The following TBL1XR1 variants were observed in gnomAD, a reference collection of about 807,000 sequenced individuals.
TBL1XR1 encodes the protein F-box-like/WD repeat-containing protein TBL1XR1.
TBL1XR1 carries 5 observed loss-of-function variants against 66.9 expected under a neutral mutation model. The observed-to-expected ratio is 0.07, with a 90% CI of 0.04 to 0.16. The LOEUF is 0.16. TBL1XR1 is among the 10% of genes least tolerant of loss of function. TBL1XR1 has a pLI of 1.00. For synonymous variants in TBL1XR1, 210 were observed against 206.0 expected (o/e 1.02, Z -0.17); for missense variants, 238 against 623.2 (o/e 0.38, Z 6.58).
In TBL1XR1 at chr3:177,020,626, A is replaced by G. The variant is rs1400801471; in HGVS notation, c.*4872T>C. The G allele has an allele frequency of 6.6e-6, 1 of 152,214 alleles. No homozygotes were observed. The highest frequency in any genetic ancestry group is 6.5e-5 in the Admixed American group (1 of 15,278). 9.4% of individuals were successfully genotyped at this position (152,214 alleles called of 1,614,324 possible). The stretch of plus-strand genomic sequence containing the variant: ...TTATTCTACAATAGAACACTGGAGA[A>G]GTAAAAGCAATTAAAATGTAAACAA... On this transcript the variant is annotated 3_prime_UTR_variant, in exon 16 of 16. Transcript: ENST00000457928.
chr3:177,069,831 A>AGGAAGGAAGGAAGGAG (rs2108559133), intron 2 of TBL1XR1, among the ~76,000 whole-genome samples: 1 of 151,150 alleles, frequency 6.6e-6, no homozygotes, highest in East Asian at 2.0e-4. Context: ...GAAGGAAGGA[A>AGGAAGGAAGGAAGGAG]GGAAGGAAGG....
At chr3:177,058,331 G>GA (rs1718066390) in intron 3 of TBL1XR1, among the ~76,000 whole-genome samples, 1 of 152,036 alleles carries the variant, frequency 6.6e-6, no homozygotes, top group South Asian at 2.1e-4. Context: ...ATAGGATGGG[G>GA]AAAAAATGAC....
At chr3:177,045,555 G>C (rs1716216454) in intron 10 of TBL1XR1, among the ~76,000 whole-genome samples, 1 of 152,062 alleles carries the variant, frequency 6.6e-6, no homozygotes, top group Non-Finnish European at 1.5e-5. Context: ...TCTTAAAAGA[G>C]AAATCCATCT....
intron 12 of TBL1XR1, among the ~76,000 whole-genome samples, chr3:177,035,788 T>C (rs1388403249): frequency 6.6e-6 from 1 of 152,104 alleles, no homozygotes; most frequent in Non-Finnish European, 1.5e-5. Flanking sequence ...CACACAGATA[T>C]CCTGTTTCGC....
At chr3:177,126,337 TAACACAACA>T (rs1727630258) in intron 1 of TBL1XR1, among the ~76,000 whole-genome samples, 1 of 152,230 alleles carries the variant, frequency 6.6e-6, no homozygotes, top group Non-Finnish European at 1.5e-5. Flanking sequence ...CTGAATCATC[TAACACAACA>T]ATATTCTTTT....
chr3:177,025,186 T>C lies in TBL1XR1; in HGVS notation c.*312A>G, dbSNP rs1712936137. The C allele has an allele frequency of 6.4e-6, 2 of 311,704 alleles. No individual in the cohort carries two copies. The highest frequency in any genetic ancestry group is 4.3e-5 in the African/African-American group (2 of 46,316). 19.3% of individuals were successfully genotyped at this position (311,704 alleles called of 1,614,324 possible). A position where few individuals can be genotyped will look rare whatever the true frequency, so the allele number is the denominator to read the frequency against. On this transcript the variant is annotated 3_prime_UTR_variant, in exon 16 of 16. Coordinates refer to ENST00000457928, the MANE Select transcript of TBL1XR1 (RefSeq NM_024665.7). Reference sequence around the variant, plus strand: ...CATTTAGTATCCAAAAACTGGTACATGTATGTTCTGCTTTTATAATGTATA... The same window carrying C: ...CATTTAGTATCCAAAAACTGGTACACGTATGTTCTGCTTTTATAATGTATA...
intron 2 of TBL1XR1, among the ~76,000 whole-genome samples, chr3:177,096,749 C>T (rs539150741): frequency 1.2e-4 from 18 of 152,178 alleles, no homozygotes; most frequent in East Asian, 5.8e-4. Flanking sequence ...TCTAGTACTC[C>T]CTGGGAAACA....
At chr3:177,028,452 G>C (rs1200814278) in intron 14 of TBL1XR1, among the ~76,000 whole-genome samples, 3 of 152,108 alleles carry the variant, frequency 2.0e-5, no homozygotes, top group Non-Finnish European at 4.4e-5. Flanking sequence ...GACTAAATGA[G>C]TTCACTGAAA....
intron 1 of TBL1XR1, among the ~76,000 whole-genome samples, chr3:177,188,504 G>A (rs751523722): frequency 3.3e-5 from 5 of 151,992 alleles, no homozygotes; most frequent in Non-Finnish European, 5.9e-5. Flanking sequence ...CCAAAATTGC[G>A]CCATTGCACT....
intron 1 of TBL1XR1, among the ~76,000 whole-genome samples, chr3:177,112,832 G>A (rs1234796559): frequency 1.3e-5 from 2 of 152,046 alleles, no homozygotes; most frequent in South Asian, 2.1e-4. Flanking sequence ...GTGAAACCCC[G>A]TCTCTACTAA....
At chr3:177,186,367 AT>A (rs1163459417) in intron 1 of TBL1XR1, among the ~76,000 whole-genome samples, 1 of 152,186 alleles carries the variant, frequency 6.6e-6, no homozygotes, top group Admixed American at 6.5e-5. Context: ...TAAAATCCTT[AT>A]TTTTTATAAG....
Position 177,144,660 on chromosome 3 carries a change from G to A in TBL1XR1, c.-121-46119C>T, listed in dbSNP as rs546866913. 1.0e-3 allele frequency among the ~76,000 whole-genome samples: 156 copies of A among 152,124 alleles called. 1 individual carries two copies. Among genetic ancestry groups the A allele is most frequent in the African/African-American group, 2.0e-3 (82 of 41,494 alleles). ...TTCCAGCTACTCAGAGGCTGAGGCA[G>A]GAGAATGGCGTGAACCCAGGAGGCG... On this transcript the variant is annotated intron_variant, in intron 1 of 15. Transcript: ENST00000457928.
intron 10 of TBL1XR1, among the ~76,000 whole-genome samples, chr3:177,041,543 G>A (rs1414276150): frequency 6.6e-6 from 1 of 152,148 alleles, no homozygotes; most frequent in African/African-American, 2.4e-5. Context: ...GCCTTTTGGA[G>A]AAACCCAACC....
chr3:177,190,209 T>G (rs763287628), intron 1 of TBL1XR1, among the ~76,000 whole-genome samples: 67 of 147,722 alleles, frequency 4.5e-4, no homozygotes, highest in Non-Finnish European at 8.7e-4. Flanking sequence ...CTGACACATA[T>G]ATAACCAGAT....
In TBL1XR1 at chr3:177,023,390, A is replaced by G. The variant is rs1712645605; in HGVS notation, c.*2108T>C. On this transcript the variant is annotated 3_prime_UTR_variant, in exon 16 of 16. Coordinates refer to ENST00000457928, the MANE Select transcript of TBL1XR1 (RefSeq NM_024665.7). Reference sequence around the variant, plus strand: ...ACCACAGATGTGGACCTCCAGCAATAAAAGCAGGAATTCAAGTGCCAGATA... The same window carrying G: ...ACCACAGATGTGGACCTCCAGCAATGAAAGCAGGAATTCAAGTGCCAGATA... 1 of 152,492 alleles carries G rather than the reference A, an allele frequency of 6.6e-6. No homozygotes were observed. The highest frequency in any genetic ancestry group is 2.4e-5 in the African/African-American group (1 of 41,418). 9.4% of individuals were successfully genotyped at this position (152,492 alleles called of 1,614,324 possible).
chr3:177,044,339 A>T (rs1356751482), intron 10 of TBL1XR1, among the ~76,000 whole-genome samples: 2 of 152,170 alleles, frequency 1.3e-5, no homozygotes, highest in African/African-American at 4.8e-5. Flanking sequence ...TGACTCCCCA[A>T]AATCTTACCA....
intron 2 of TBL1XR1, among the ~76,000 whole-genome samples, chr3:177,083,645 A>AATTTTAAAT (rs1721727025): frequency 6.6e-6 from 1 of 152,240 alleles, no homozygotes; most frequent in East Asian, 1.9e-4. Context: ...ATATCCACAT[A>AATTTTAAAT]GCTACCACCT....
intron 1 of TBL1XR1, among the ~76,000 whole-genome samples, chr3:177,129,608 G>C (rs1036489264): frequency 8.5e-5 from 13 of 152,164 alleles, no homozygotes; most frequent in African/African-American, 3.1e-4. Context: ...GACTGGTATA[G>C]TGGTTACACA....
chr3:177,120,241 A>G (rs1179229285), intron 1 of TBL1XR1, among the ~76,000 whole-genome samples: 1 of 151,510 alleles, frequency 6.6e-6, no homozygotes, highest in East Asian at 1.9e-4. Context: ...CTCTTCTCCT[A>G]TCTAGAGGCT....
Sources: allele counts gnomAD v4.1 joint callset (sites outside exome capture counted in the v4.1 genomes callset), GRCh38; gene constraint gnomAD v4.1.1; transcripts MANE v1.5; gene names NCBI Gene and HGNC (gene_info 2026-07-23, HGNC 2026-07-21).